The following CRYGS variants were observed in gnomAD, a reference collection of about 807,000 sequenced individuals.
The protein encoded by CRYGS is crystallin gamma S.
Under a neutral mutation model 21.3 loss-of-function variants are expected in CRYGS, and 13 were observed. The observed-to-expected ratio is 0.61, with a 90% confidence interval of 0.40 to 0.97. The LOEUF (loss-of-function observed/expected upper bound fraction) is 0.97. CRYGS is among the 50% of genes least tolerant of loss of function. CRYGS has a pLI of 0.00. For synonymous variants in CRYGS, 67 were observed against 75.0 expected (o/e 0.89, Z 0.55); for missense variants, 205 against 229.7 (o/e 0.89, Z 0.69).
chr3:186,542,940 TG>T (rs1333846566), intron 1 of CRYGS, among the ~76,000 whole-genome samples: 2 of 151,944 alleles, frequency 1.3e-5, no homozygotes, highest in African/African-American at 2.4e-5. Flanking sequence ...ACCTCCTGAA[TG>T]ACAAGCATGA....
chr3:186,538,758 T>G lies in CRYGS; in HGVS notation c.475A>C (p.Lys159Gln). ...GAGGCTGCACCCCAATCGATGGGCT[T>G]CCGGTACTCCTTCTTGTCCAGGAGG... is the stretch of plus-strand genomic sequence containing the variant. ...QYLLDKKEYR[K>Q]PIDWGAASPA... is the part of the protein sequence containing the mutation. The change falls in exon 3 of 3, where the codon AAG becomes CAG. Residue 159 changes from lysine (K) to glutamine (Q), a missense_variant. Physicochemically the swap from Lys to Gln is moderately conservative, Grantham distance 53. Transcript: ENST00000307944. 6.2e-7 allele frequency: 1 copy of G among 1,614,126 alleles called. No homozygotes were observed. Among genetic ancestry groups the G allele is most frequent in the Non-Finnish European group, 8.5e-7 (1 of 1,180,014 alleles).
chr3:186,542,176 C>A (rs1714085799), intron 1 of CRYGS, among the ~76,000 whole-genome samples: 1 of 152,208 alleles, frequency 6.6e-6, no homozygotes, highest in African/African-American at 2.4e-5. Flanking sequence ...GATACGGTCA[C>A]CTGATGTCCA....
chr3:186,538,761 G>A lies in CRYGS; in HGVS notation c.472C>T (p.Arg158Trp), dbSNP rs762031952. 1.2e-5 allele frequency: 19 copies of A among 1,613,980 alleles called. No homozygotes were observed. Among genetic ancestry groups the A allele is most frequent in the East Asian group, 4.5e-5 (2 of 44,898 alleles). ...RQYLLDKKEY[R>W]KPIDWGAASP... ...GCTGCACCCCAATCGATGGGCTTCCGGTACTCCTTCTTGTCCAGGAGGTAC... is the reference window on the plus strand; with the variant it reads ...GCTGCACCCCAATCGATGGGCTTCCAGTACTCCTTCTTGTCCAGGAGGTAC... Residue 158 changes from arginine (R) to tryptophan (W), a missense_variant, in exon 3 of 3, where the codon CGG becomes TGG. Coordinates refer to ENST00000307944, the MANE Select transcript of CRYGS (RefSeq NM_017541.4).
Position 186,544,380 on chromosome 3 carries a change from C to A in CRYGS, c.-54G>T. ...GCTGAAAGAAATTCAGGAATGGCTA[C>A]AGAGAGTTAGAGGCACAGTGACATT... On this transcript the variant is annotated 5_prime_UTR_variant, in exon 1 of 3. Coordinates refer to ENST00000307944, the MANE Select transcript of CRYGS (RefSeq NM_017541.4). The A allele has an allele frequency of 7.8e-7, 1 of 1,288,168 alleles. No individual in the cohort carries two copies. The highest frequency in any genetic ancestry group is 1.1e-6 in the Non-Finnish European group (1 of 882,642). The allele number at this position is 1,288,168 out of a possible 1,614,324, so 79.8% of individuals were successfully genotyped here.
intron 2 of CRYGS, 70 bp downstream of exon 2, chr3:186,539,285 T>C: frequency 1.2e-6 from 2 of 1,604,334 alleles, no homozygotes; most frequent in Non-Finnish European, 8.5e-7. Context: ...AAGAAAATGT[T>C]CACCTAAAAG....
Position 186,538,950 on chromosome 3 carries a change from T to C in CRYGS, c.283A>G (p.Lys95Glu). 1 of 1,614,080 alleles carries C rather than the reference T, an allele frequency of 6.2e-7. No individual in the cohort carries two copies. ...AVHLPSGGQY[K>E]IQIFEKGDFS... ...TCCCCTTTCTCAAAGATCTGAATCT[T>C]ATACTGGCCTCCACTAGGCTGAAAA... The change falls in exon 3 of 3, where the codon AAG (lysine) becomes GAG (glutamate). Residue 95 changes from lysine (K) to glutamate (E), a missense_variant. By Grantham distance (56) the Lys-to-Glu change is moderately conservative. Transcript: ENST00000307944.
At chr3:186,542,166 G>C (rs1714085441) in intron 1 of CRYGS, among the ~76,000 whole-genome samples, 1 of 152,210 alleles carries the variant, frequency 6.6e-6, no homozygotes, top group Admixed American at 6.5e-5. Context: ...CATGATGCCT[G>C]ATACGGTCAC....
At chr3:186,542,234 C>T (rs1714087031) in intron 1 of CRYGS, among the ~76,000 whole-genome samples, 2 of 152,326 alleles carry the variant, frequency 1.3e-5, no homozygotes, top group East Asian at 3.9e-4. Context: ...ACAAAGCCCT[C>T]ATCCTGTTGC....
Position 186,544,348 on chromosome 3 carries a change from T to C in CRYGS, c.-22A>G. 6.3e-7 allele frequency: 1 copy of C among 1,577,262 alleles called. No homozygotes were observed. The highest frequency in any genetic ancestry group is 1.1e-5 in the South Asian group (1 of 90,356). ...ACATTTTTGGTGCATAGACTGGTTT[T>C]CCCAGTGCTGAAAGAAATTCAGGAA... On this transcript the variant is annotated 5_prime_UTR_variant, in exon 1 of 3. Transcript: ENST00000307944.
Position 186,539,414 on chromosome 3 carries a change from C to G in CRYGS, c.205G>C (p.Glu69Gln). Residue 69 changes from glutamate (E) to glutamine (Q), a missense_variant, in exon 2 of 3, where the codon GAA becomes CAA. Coordinates refer to ENST00000307944, the MANE Select transcript of CRYGS (RefSeq NM_017541.4). ...TTGAGGCCCATCCAACGCTGGTATT[C>G]AGGGTACTCTCCCTGTGGTAAGATG... ...MYILPQGEYP[E>Q]YQRWMGLNDR... 4.3e-6 allele frequency: 7 copies of G among 1,612,282 alleles called. No homozygotes were observed. Among genetic ancestry groups the G allele is most frequent in the Non-Finnish European group, 5.9e-6 (7 of 1,180,014 alleles).
chr3:186,538,665 C>A lies in CRYGS; in HGVS notation c.*31G>T, dbSNP rs758832719. The A allele has an allele frequency of 1.2e-6, 2 of 1,613,848 alleles. No individual in the cohort carries two copies. Among genetic ancestry groups the A allele is most frequent in the South Asian group, 1.1e-5 (1 of 91,064 alleles). On this transcript the variant is annotated 3_prime_UTR_variant, in exon 3 of 3. Transcript: ENST00000307944. ...ACCACAAGGCCAGCCAGCATTTGGGCCCCAGGAAGAATATGGCCCCATTCA... is the reference window on the plus strand; with the variant it reads ...ACCACAAGGCCAGCCAGCATTTGGGACCCAGGAAGAATATGGCCCCATTCA...
At chr3:186,543,309 T>C (rs1412703529) in intron 1 of CRYGS, among the ~76,000 whole-genome samples, 2 of 152,152 alleles carry the variant, frequency 1.3e-5, no homozygotes, top group African/African-American at 2.4e-5. Flanking sequence ...AAGTCCACCA[T>C]GAAGCACTTT....
Position 186,538,575 on chromosome 3 carries a change from A to G in CRYGS, c.*121T>C, listed in dbSNP as rs1247168423. The G allele has an allele frequency of 2.3e-6, 3 of 1,299,674 alleles. No individual in the cohort carries two copies. Among genetic ancestry groups the G allele is most frequent in the Admixed American group, 1.9e-5 (1 of 53,890 alleles). The allele number at this position is 1,299,674 out of a possible 1,614,324, so 80.5% of individuals were successfully genotyped here. A position where few individuals can be genotyped will look rare whatever the true frequency, so the allele number is the denominator to read the frequency against. ...GTATTGCTGGTCCCTAGAAGCATTT[A>G]AGGAGAGGCATTATAGTCAGCAGTG... On this transcript the variant is annotated 3_prime_UTR_variant, in exon 3 of 3. Coordinates refer to ENST00000307944, the MANE Select transcript of CRYGS (RefSeq NM_017541.4).
chr3:186,541,710 T>C (rs895795443), intron 1 of CRYGS, among the ~76,000 whole-genome samples: 2 of 152,230 alleles, frequency 1.3e-5, no homozygotes, highest in Non-Finnish European at 2.9e-5. Context: ...TGGCCTAATG[T>C]CACTACCTAG....
In CRYGS at chr3:186,538,868, A is replaced by AGG; in HGVS notation, c.364_365insCC (p.Phe122SerfsTer80). On this transcript the variant is annotated frameshift_variant, in exon 3 of 3. Coordinates refer to ENST00000307944, the MANE Select transcript of CRYGS (RefSeq NM_017541.4). LOFTEE classifies it high-confidence loss of function. ...ACAGGAGTGGATCTCTCGCATGTGA[A>AGG]ATTGCTCCATGATGGAAGGGCAATC... 6.2e-7 allele frequency: 1 copy of AGG among 1,614,060 alleles called. No individual in the cohort carries two copies. Among genetic ancestry groups the AGG allele is most frequent in the South Asian group, 1.1e-5 (1 of 91,074 alleles).
intron 1 of CRYGS, chr3:186,540,735 G>T (rs1056955836): frequency 2.6e-5 from 25 of 978,374 alleles, no homozygotes; most frequent in Middle Eastern, 1.0e-3. Flanking sequence ...CGAAAACTAT[G>T]TGAGTCATTT....
At position 186,538,668 on chromosome 3, in the gene CRYGS, C is replaced by G. The variant is rs1330072599; in HGVS notation, c.*28G>C. On this transcript the variant is annotated 3_prime_UTR_variant, in exon 3 of 3. Transcript: ENST00000307944. ...ACAAGGCCAGCCAGCATTTGGGCCCCAGGAAGAATATGGCCCCATTCATGT... is the reference window on the plus strand; with the variant it reads ...ACAAGGCCAGCCAGCATTTGGGCCCGAGGAAGAATATGGCCCCATTCATGT... 1.2e-6 allele frequency: 2 copies of G among 1,613,980 alleles called. No homozygotes were observed.
At position 186,544,308 on chromosome 3, in the gene CRYGS, T is replaced by G; in HGVS notation, c.19A>C (p.Lys7Gln). ...TAAAAATCAATATGACTACTTACCT[T>G]GGTTCCAGTTTTAGACATTTTTGGT... MSKTGT[K>Q]ITFYEDKNFQ... The change falls in exon 1 of 3, where the codon AAG (lysine) becomes CAG (glutamine). Residue 7 changes from lysine to glutamine, a missense_variant and splice_region_variant. Physicochemically the swap from Lys to Gln is moderately conservative, Grantham distance 53. Coordinates refer to ENST00000307944, the MANE Select transcript of CRYGS (RefSeq NM_017541.4). 1 of 1,603,872 alleles carries G rather than the reference T, an allele frequency of 6.2e-7. No homozygotes were observed. The highest frequency in any genetic ancestry group is 2.2e-5 in the East Asian group (1 of 44,826).
At chr3:186,540,455 C>T (rs1714038380) in intron 1 of CRYGS, 1 of 152,222 alleles carries the variant, frequency 6.6e-6, no homozygotes, top group Non-Finnish European at 1.5e-5. Flanking sequence ...CAGAGCTTTT[C>T]TGGCTGAAAC....
Sources: gnomAD v4.1 joint callset for allele counts (sites outside exome capture counted in the v4.1 genomes callset) on GRCh38, gnomAD v4.1.1 for gene constraint, MANE v1.5 for transcripts, NCBI Gene and HGNC (gene_info 2026-07-23, HGNC 2026-07-21) for gene names.